Variants in EPHB3 observed in about 807,000 individuals in gnomAD.
The protein encoded by EPHB3 is EPH receptor B3.
A neutral mutation model predicts 100.2 loss-of-function variants in EPHB3; 33 were observed. The ratio of observed to expected loss-of-function variants is 0.33; its 90% CI spans 0.25 to 0.44. The LOEUF (loss-of-function observed/expected upper bound fraction) is 0.44. Ranked by LOEUF, EPHB3 falls within the 20% of genes least tolerant of loss-of-function variation. The pLI is 1.00. For synonymous variants in EPHB3, 526 were observed against 554.7 expected (o/e 0.95, Z 0.73); for missense variants, 1,045 against 1,378.3 (o/e 0.76, Z 3.83).
chr3:184,563,586 T>C lies in EPHB3; in HGVS notation c.118+1233T>C, dbSNP rs1714313363. ...AAAGACCTCCTATGATCCCCCACCC[T>C]CCTCATCTCTGAGCCTGCTGTGCTG... On this transcript the variant is annotated intron_variant, in intron 1 of 15. Transcript: ENST00000330394. This position sits in a 1 kb window ranked among gnomAD's most constrained non-coding sequence, Gnocchi z 4.1. Among the ~76,000 whole-genome samples, 1 of 152,164 alleles carries C rather than the reference T, an allele frequency of 6.6e-6. No homozygotes were observed. The highest frequency in any genetic ancestry group is 2.4e-5 in the African/African-American group (1 of 41,428).
At position 184,578,884 on chromosome 3, in the gene EPHB3, T is replaced by C. The variant is rs1196511570; in HGVS notation, c.1801+418T>C. On this transcript the variant is annotated intron_variant, in intron 9 of 15. Transcript: ENST00000330394. The surrounding 1 kb of genome is among the most constrained non-coding windows in gnomAD (Gnocchi z 4.7). ...GGGTGTTGGGAGGTGAGGGAGAGCA[T>C]TCCTGGCCAGAGGAGCCTCTGGAAG... Among the ~76,000 whole-genome samples, 2 of 152,014 alleles carry C rather than the reference T, an allele frequency of 1.3e-5. No individual in the cohort carries two copies. The highest frequency in any genetic ancestry group is 2.9e-5 in the Non-Finnish European group (2 of 67,986).
At chr3:184,580,262 C>A in intron 11 of EPHB3, 140 bp from the exon 12 acceptor site, 3 of 1,066,914 alleles carry the variant, frequency 2.8e-6, no homozygotes, top group Non-Finnish European at 4.2e-6. Flanking sequence ...AGTAGGGCAG[C>A]TCACTTACCC....
intron 3 of EPHB3, among the ~76,000 whole-genome samples, chr3:184,574,756 C>T (rs931353590): frequency 1.3e-5 from 2 of 152,188 alleles, no homozygotes; most frequent in East Asian, 3.9e-4. Context: ...ATGAGCCTGA[C>T]AGCCTGAAGA....
rs1714571980 is a variant in EPHB3 at position 184,572,744 on chromosome 3, G to A, written c.424G>A (p.Ala142Thr). The A allele has an allele frequency of 5.0e-6, 8 of 1,612,782 alleles. No individual in the cohort carries two copies. The highest frequency in any genetic ancestry group is 6.8e-6 in the Non-Finnish European group (8 of 1,179,686). Residue 142 changes from alanine to threonine, a missense_variant, in exon 3 of 16, where the codon GCC becomes ACC. This residue lies in a region of EPHB3 where 985 missense variants were observed against 1,331.1 expected (regional missense o/e 0.74). Coordinates refer to ENST00000330394, the MANE Select transcript of EPHB3 (RefSeq NM_004443.4). The surrounding 1 kb of genome is among the most constrained non-coding windows in gnomAD (Gnocchi z 6.6). ...CTACTACGAGGCTGACAGCGATGTGGCCTCAGCCTCCTCCCCCTTCTGGAT... is the reference window on the plus strand; with the variant it reads ...CTACTACGAGGCTGACAGCGATGTGACCTCAGCCTCCTCCCCCTTCTGGAT... ...LFYYEADSDVASASSPFWMEN... is the reference protein window; with the variant it reads ...LFYYEADSDVTSASSPFWMEN...
chr3:184,578,611 C>A lies in EPHB3; in HGVS notation c.1801+145C>A. The A allele has an allele frequency of 9.5e-7, 1 of 1,051,414 alleles. No individual in the cohort carries two copies. The highest frequency in any genetic ancestry group is 1.4e-6 in the Non-Finnish European group (1 of 719,074). 65.1% of individuals were successfully genotyped at this position (1,051,414 alleles called of 1,614,324 possible). ...TTCCAGTCAAGTGGCATTTCCTGAC[C>A]CCTATCTCACTCCGGGTACCCTGGG... On this transcript the variant is annotated intron_variant, in intron 9 of 15. Coordinates refer to ENST00000330394, the MANE Select transcript of EPHB3 (RefSeq NM_004443.4). The surrounding 1 kb of genome is among the most constrained non-coding windows in gnomAD (Gnocchi z 4.7).
In EPHB3 at chr3:184,578,379, G is replaced by C. The variant is rs755998821; in HGVS notation, c.1749-35G>C. The stretch of plus-strand genomic sequence containing the variant: ...CTGAACAAAGGGAGGCAGATGACTT[G>C]TCTCAGGCCTGCCCTCCACCCTGCC... On this transcript the variant is annotated intron_variant, in intron 8 of 15. Coordinates refer to ENST00000330394, the MANE Select transcript of EPHB3 (RefSeq NM_004443.4). The surrounding 1 kb of genome is among the most constrained non-coding windows in gnomAD (Gnocchi z 4.7). The C allele has an allele frequency of 6.2e-7, 1 of 1,613,532 alleles. No individual in the cohort carries two copies. Among genetic ancestry groups the C allele is most frequent in the South Asian group, 1.1e-5 (1 of 91,060 alleles).
chr3:184,572,087 C>T lies in EPHB3; in HGVS notation c.184-417C>T, dbSNP rs780059864. Among the ~76,000 whole-genome samples the T allele has an allele frequency of 2.6e-5, 4 of 152,192 alleles. No homozygotes were observed. Among genetic ancestry groups the T allele is most frequent in the Non-Finnish European group, 5.9e-5 (4 of 68,034 alleles). On this transcript the variant is annotated intron_variant, in intron 2 of 15. Coordinates refer to ENST00000330394, the MANE Select transcript of EPHB3 (RefSeq NM_004443.4). This position sits in a 1 kb window ranked among gnomAD's most constrained non-coding sequence, Gnocchi z 6.6. ...GGAAGTGCTTGCACTGCTACAAGCC[C>T]ATTACATTTATTAGCCTGATTTAAT...
Position 184,573,293 on chromosome 3 carries a change from C to T in EPHB3, c.856+117C>T. ...ACTAGGAGGTCTGGGAGCAGGTCCACAGTGGAGGCAGGAGAGGGAAGAGTG... is the reference window on the plus strand; with the variant it reads ...ACTAGGAGGTCTGGGAGCAGGTCCATAGTGGAGGCAGGAGAGGGAAGAGTG... On this transcript the variant is annotated intron_variant, in intron 3 of 15. Transcript: ENST00000330394. The surrounding 1 kb of genome is among the most constrained non-coding windows in gnomAD (Gnocchi z 4.5). 1 of 1,289,460 alleles carries T rather than the reference C, an allele frequency of 7.8e-7. No homozygotes were observed. The highest frequency in any genetic ancestry group is 1.1e-6 in the Non-Finnish European group (1 of 934,134). The allele number at this position is 1,289,460 out of a possible 1,614,324, so 79.9% of individuals were successfully genotyped here. A position where few individuals can be genotyped will look rare whatever the true frequency, so the allele number is the denominator to read the frequency against.
In EPHB3 at chr3:184,562,038, G is replaced by A. The variant is rs1044214761; in HGVS notation, c.-198G>A. Reference sequence around the variant, plus strand: ...CGGGACCGACCTGTCCGCATCCCCAGGACCGCCGGGCTCGGTGCACCGCCT... The same window carrying A: ...CGGGACCGACCTGTCCGCATCCCCAAGACCGCCGGGCTCGGTGCACCGCCT... On this transcript the variant is annotated 5_prime_UTR_variant, in exon 1 of 16. Coordinates refer to ENST00000330394, the MANE Select transcript of EPHB3 (RefSeq NM_004443.4). The surrounding 1 kb of genome is among the most constrained non-coding windows in gnomAD (Gnocchi z 4.8). The A allele has an allele frequency of 5.4e-5, 9 of 165,774 alleles. No homozygotes were observed. Among genetic ancestry groups the A allele is most frequent in the African/African-American group, 1.9e-4 (8 of 41,644 alleles). The allele number at this position is 165,774 out of a possible 1,614,324, so 10.3% of individuals were successfully genotyped here. A position where few individuals can be genotyped will look rare whatever the true frequency, so the allele number is the denominator to read the frequency against.
Position 184,570,906 on chromosome 3 carries a change from G to T in EPHB3, c.119-412G>T, listed in dbSNP as rs371912685. Among the ~76,000 whole-genome samples, 15 of 152,130 alleles carry T rather than the reference G, an allele frequency of 9.9e-5. No homozygotes were observed. In the South Asian group the frequency reaches 2.9e-3, roughly 29 times the overall value. Reference sequence around the variant, plus strand: ...AAACTGGGGGCTTTCAGGACTTGTGGAAAGTGGAGCCTGGGGGGAATCCTT... The same window carrying T: ...AAACTGGGGGCTTTCAGGACTTGTGTAAAGTGGAGCCTGGGGGGAATCCTT... On this transcript the variant is annotated intron_variant, in intron 1 of 15. Coordinates refer to ENST00000330394, the MANE Select transcript of EPHB3 (RefSeq NM_004443.4).
At position 184,573,244 on chromosome 3, in the gene EPHB3, C is replaced by A; in HGVS notation, c.856+68C>A. The A allele has an allele frequency of 6.4e-7, 1 of 1,573,690 alleles. No homozygotes were observed. Among genetic ancestry groups the A allele is most frequent in the African/African-American group, 1.3e-5 (1 of 74,138 alleles). The stretch of plus-strand genomic sequence containing the variant: ...TGGGCCACAGCTACCTACCGCCCCG[C>A]CCCCCACCCCTGCTTGCTATCTGAC... On this transcript the variant is annotated intron_variant, in intron 3 of 15. Transcript: ENST00000330394. This position sits in a 1 kb window ranked among gnomAD's most constrained non-coding sequence, Gnocchi z 4.5.
Position 184,577,296 on chromosome 3 carries a change from G to A in EPHB3, c.1355-47G>A. ...CCATGGGAAGTGGGTCTTTGGGAAG[G>A]ATGCCAGGGTCCAGGGAGCCCCTGG... On this transcript the variant is annotated intron_variant, in intron 5 of 15. Coordinates refer to ENST00000330394, the MANE Select transcript of EPHB3 (RefSeq NM_004443.4). The surrounding 1 kb of genome is among the most constrained non-coding windows in gnomAD (Gnocchi z 4.9). The A allele has an allele frequency of 6.3e-7, 1 of 1,598,888 alleles. No individual in the cohort carries two copies. Among genetic ancestry groups the A allele is most frequent in the East Asian group, 2.2e-5 (1 of 44,620 alleles).
At chr3:184,574,756 C>G (rs931353590) in intron 3 of EPHB3, among the ~76,000 whole-genome samples, 2 of 152,306 alleles carry the variant, frequency 1.3e-5, no homozygotes, top group East Asian at 3.9e-4. Flanking sequence ...ATGAGCCTGA[C>G]AGCCTGAAGA....
Position 184,576,196 on chromosome 3 carries a change from C to T in EPHB3, c.1012+211C>T, listed in dbSNP as rs761405116. 7.9e-4 allele frequency among the ~76,000 whole-genome samples: 120 copies of T among 152,236 alleles called. 2 individuals are homozygous for T. The highest frequency in any genetic ancestry group is 3.2e-3 in the Middle Eastern group (1 of 316). ...TCAGCCGGCTCGTCCCTTCCACCAA[C>T]GCTTGCTAAGCACCTACCTGTTCCT... On this transcript the variant is annotated intron_variant, in intron 4 of 15. Coordinates refer to ENST00000330394, the MANE Select transcript of EPHB3 (RefSeq NM_004443.4).
chr3:184,581,896 T>C lies in EPHB3; in HGVS notation c.*274T>C. On this transcript the variant is annotated 3_prime_UTR_variant, in exon 16 of 16. Transcript: ENST00000330394. ...GACCTTCCTGCTCTCCAGCAGGGGA[T>C]CCCCACAACCTCACACTTGTCTGTT... 1 of 393,106 alleles carries C rather than the reference T, an allele frequency of 2.5e-6. No homozygotes were observed. The highest frequency in any genetic ancestry group is 5.1e-5 in the South Asian group (1 of 19,762). The allele number at this position is 393,106 out of a possible 1,614,324, so 24.4% of individuals were successfully genotyped here.
At chr3:184,580,305 C>T (rs967402240) in intron 11 of EPHB3, 97 bp from the exon 12 acceptor site, 9 of 1,478,166 alleles carry the variant, frequency 6.1e-6, no homozygotes, top group African/African-American at 1.4e-5. Flanking sequence ...GCAGGAGAGA[C>T]GAGGTAGAGT....
chr3:184,577,255 G>A lies in EPHB3; in HGVS notation c.1354+72G>A. 1.3e-6 allele frequency: 2 copies of A among 1,580,362 alleles called. No homozygotes were observed. Among genetic ancestry groups the A allele is most frequent in the African/African-American group, 1.3e-5 (1 of 74,316 alleles). On this transcript the variant is annotated intron_variant, in intron 5 of 15. Coordinates refer to ENST00000330394, the MANE Select transcript of EPHB3 (RefSeq NM_004443.4). The surrounding 1 kb of genome is among the most constrained non-coding windows in gnomAD (Gnocchi z 4.9). ...GATGAGGTGTCCCAGGACCTGCTAA[G>A]GGACCACTGGGGGTCCCATGGGAAG... is the stretch of plus-strand genomic sequence containing the variant.
rs775833305 is a variant in EPHB3, at chr3:184,580,473, C to T, written c.2244C>T (p.Tyr748=). Residue 748 remains tyrosine, a synonymous_variant, in exon 12 of 16, where the codon TAC becomes TAT. Transcript: ENST00000330394. ...MLRGIAAGMK[Y]LSEMNYVHRD... is the part of the protein sequence containing the mutation. ...GGGGCATTGCTGCCGGCATGAAGTA[C>T]CTGTCCGAGATGAACTATGTGCACC... 1.9e-6 allele frequency: 3 copies of T among 1,614,216 alleles called. No individual in the cohort carries two copies. The highest frequency in any genetic ancestry group is 2.5e-6 in the Non-Finnish European group (3 of 1,180,036).
intron 1 of EPHB3, among the ~76,000 whole-genome samples, chr3:184,568,598 C>CA (rs1560054815): frequency 1.3e-5 from 2 of 150,666 alleles, no homozygotes; most frequent in African/African-American, 2.4e-5. Flanking sequence ...TATGACCCCC[C>CA]CCCCACATCC....
Sources: gnomAD v4.1 joint callset for allele counts (sites outside exome capture counted in the v4.1 genomes callset) on GRCh38, gnomAD v4.1.1 for gene constraint, gnomAD v4.1.1 regional missense constraint, Gnocchi (gnomAD v3.1) non-coding constraint, MANE v1.5 for transcripts, NCBI Gene and HGNC (gene_info 2026-07-23, HGNC 2026-07-21) for gene names.